Variants in FOXO3 observed in about 807,000 individuals in gnomAD.
FOXO3 encodes forkhead box protein O3.
Under a neutral mutation model 41.9 loss-of-function variants are expected in FOXO3, and 4 were observed. The observed-to-expected ratio is 0.10, with a 90% CI of 0.05 to 0.22. The LOEUF is 0.22. Among genes scored for constraint, FOXO3 ranks in the 10% least tolerant of loss-of-function variants. The pLI, the probability that FOXO3 is intolerant of heterozygous loss-of-function variation, is 1.00. For synonymous variants in FOXO3, 318 were observed against 389.3 expected, an observed-to-expected ratio of 0.82 and a Z score of 2.16; for missense variants, 534 against 906.8, an observed-to-expected ratio of 0.59 and a Z score of 5.28.
chr6:108,675,822 C>A (rs922708507), intron 2 of FOXO3, among the ~76,000 whole-genome samples: 13 of 152,082 alleles, frequency 8.5e-5, no homozygotes, highest in African/African-American at 3.1e-4. Context: ...CTGTTCTGTT[C>A]TTCTCTGCCC....
At chr6:108,594,258 G>A (rs1776812467) in intron 1 of FOXO3, among the ~76,000 whole-genome samples, 1 of 152,186 alleles carries the variant, frequency 6.6e-6, no homozygotes, top group Admixed American at 6.5e-5. Context: ...TTTGCAAAAA[G>A]ATGAAAACGG....
intron 2 of FOXO3, among the ~76,000 whole-genome samples, chr6:108,666,201 G>A (rs961838790): frequency 3.9e-5 from 6 of 152,138 alleles, no homozygotes; most frequent in African/African-American, 1.4e-4. Context: ...ATGCACTAAA[G>A]CATGTGAAAC....
intron 1 of FOXO3, among the ~76,000 whole-genome samples, chr6:108,608,294 G>C (rs1316882543): frequency 6.6e-6 from 1 of 152,150 alleles, no homozygotes; most frequent in Non-Finnish European, 1.5e-5. Context: ...TAAATTAAGT[G>C]ACGCTCTCAC....
At chr6:108,648,105 A>G (rs1778443604) in intron 1 of FOXO3, among the ~76,000 whole-genome samples, 3 of 152,204 alleles carry the variant, frequency 2.0e-5, no homozygotes, top group African/African-American at 7.2e-5. Context: ...CTGCCAAGGT[A>G]AAATTGAGGG....
intron 1 of FOXO3, among the ~76,000 whole-genome samples, chr6:108,635,494 C>T (rs1319544680): frequency 6.6e-6 from 1 of 152,106 alleles, no homozygotes; most frequent in East Asian, 1.9e-4. Context: ...GCAGTGGGTA[C>T]ACAGGTGTTT....
At chr6:108,567,390 C>T (rs2253310) in intron 1 of FOXO3, among the ~76,000 whole-genome samples, 1 of 151,958 alleles carries the variant, frequency 6.6e-6, no homozygotes, top group African/African-American at 2.4e-5. Flanking sequence ...CTGGACTGAT[C>T]TGGGATCCCC....
intron 1 of FOXO3, among the ~76,000 whole-genome samples, chr6:108,654,313 A>G (rs1391066031): frequency 1.3e-5 from 2 of 152,162 alleles, no homozygotes; most frequent in Non-Finnish European, 2.9e-5. Context: ...AAAAATAATA[A>G]TAATTAATAT....
At chr6:108,662,532 T>C (rs2128386453) in intron 1 of FOXO3, among the ~76,000 whole-genome samples, 1 of 152,330 alleles carries the variant, frequency 6.6e-6, no homozygotes, top group East Asian at 1.9e-4. Context: ...TGCTCTACAC[T>C]TCTTATGTCT....
At chr6:108,660,953 G>A (rs1254641803) in intron 1 of FOXO3, among the ~76,000 whole-genome samples, 1 of 152,120 alleles carries the variant, frequency 6.6e-6, no homozygotes, top group Admixed American at 6.5e-5. Flanking sequence ...CTAGCTACTC[G>A]GGAGGCTGAG....
intron 1 of FOXO3, among the ~76,000 whole-genome samples, chr6:108,585,806 A>G (rs746627353): frequency 6.6e-6 from 1 of 152,186 alleles, no homozygotes; most frequent in Non-Finnish European, 1.5e-5. Context: ...ACCACTTAAA[A>G]CACACTGGGC....
At chr6:108,637,057 A>G (rs2128377987) in intron 1 of FOXO3, among the ~76,000 whole-genome samples, 1 of 152,294 alleles carries the variant, frequency 6.6e-6, no homozygotes, top group Non-Finnish European at 1.5e-5. Flanking sequence ...GAGCAGCAAC[A>G]TTGCCTCTGT....
chr6:108,611,522 A>T (rs1244807891), intron 1 of FOXO3, among the ~76,000 whole-genome samples: 1 of 152,188 alleles, frequency 6.6e-6, no homozygotes, highest in Non-Finnish European at 1.5e-5. Flanking sequence ...CTCCTCTCCA[A>T]CACATGTAAT....
rs1034664580 is a variant in FOXO3, at chr6:108,684,563, A to C, written c.*4771A>C. 1 of 152,608 alleles carries C rather than the reference A, an allele frequency of 6.6e-6. No homozygotes were observed. Among genetic ancestry groups the C allele is most frequent in the Non-Finnish European group, 1.5e-5 (1 of 68,028 alleles). 9.5% of individuals were successfully genotyped at this position (152,608 alleles called of 1,614,324 possible). On this transcript the variant is annotated 3_prime_UTR_variant, in exon 3 of 3. Coordinates refer to ENST00000406360, the MANE Select transcript of FOXO3 (RefSeq NM_001455.4). Reference sequence around the variant, plus strand: ...CTTACTGAGGATTTTGTCTAACCATATGTTGCCATGAATTAACTCTGCCGC... The same window carrying C: ...CTTACTGAGGATTTTGTCTAACCATCTGTTGCCATGAATTAACTCTGCCGC...
chr6:108,595,155 C>T (rs1776843220), intron 1 of FOXO3, among the ~76,000 whole-genome samples: 1 of 152,182 alleles, frequency 6.6e-6, no homozygotes, highest in Non-Finnish European at 1.5e-5. Flanking sequence ...TTTGCAAAAA[C>T]TCATCAAGCT....
At chr6:108,656,093 C>G (rs1306800853) in intron 1 of FOXO3, among the ~76,000 whole-genome samples, 1 of 151,070 alleles carries the variant, frequency 6.6e-6, no homozygotes, top group African/African-American at 2.4e-5. Context: ...ACTCATTTTG[C>G]TGCTCCAGAC....
intron 1 of FOXO3, among the ~76,000 whole-genome samples, chr6:108,629,807 A>C (rs1487046137): frequency 6.6e-6 from 1 of 152,180 alleles, no homozygotes; most frequent in South Asian, 2.1e-4. Flanking sequence ...AGCCAGTGAA[A>C]TATTTTTCCT....
chr6:108,610,228 A>G (rs1777321315), intron 1 of FOXO3, among the ~76,000 whole-genome samples: 1 of 151,926 alleles, frequency 6.6e-6, no homozygotes, highest in Non-Finnish European at 1.5e-5. Flanking sequence ...CTTTATTTTA[A>G]TATTCTTCAA....
rs1365801026 is a variant in FOXO3, at chr6:108,682,511, A to G, written c.*2719A>G. 1 of 152,304 alleles carries G rather than the reference A, an allele frequency of 6.6e-6. No individual in the cohort carries two copies. The highest frequency in any genetic ancestry group is 1.5e-5 in the Non-Finnish European group (1 of 68,128). 9.4% of individuals were successfully genotyped at this position (152,304 alleles called of 1,614,324 possible). A position where few individuals can be genotyped will look rare whatever the true frequency, so the allele number is the denominator to read the frequency against. On this transcript the variant is annotated 3_prime_UTR_variant, in exon 3 of 3. Coordinates refer to ENST00000406360, the MANE Select transcript of FOXO3 (RefSeq NM_001455.4). ...CTGCGAGACCCACCAGCCCCTGGAG[A>G]GGGTCAGCCGAGAATCTGGTAGTGA... is the stretch of plus-strand genomic sequence containing the variant.
At chr6:108,560,758 T>G, upstream of FOXO3, 7 of 248,240 alleles carry the variant, frequency 2.8e-5, no homozygotes, top group Non-Finnish European at 3.0e-5. Flanking sequence ...GCTGCCCGCT[T>G]TAAAGGCGCG....
Sources: gnomAD v4.1 joint callset for allele counts (sites outside exome capture counted in the v4.1 genomes callset) on GRCh38, gnomAD v4.1.1 for gene constraint, MANE v1.5 for transcripts, NCBI Gene and HGNC (gene_info 2026-07-23, HGNC 2026-07-21) for gene names.